TENM4: variants seen among roughly 807,000 people sequenced by gnomAD.
TENM4 encodes teneurin transmembrane protein 4.
A neutral mutation model predicts 243.3 loss-of-function variants in TENM4; 82 were observed. The observed-to-expected ratio is 0.34, with a 90% CI of 0.28 to 0.40. The LOEUF is 0.40. Among genes scored for constraint, TENM4 ranks in the 10% least tolerant of loss-of-function variants. TENM4 has a pLI of 1.00. For synonymous variants in TENM4, 1,412 were observed against 1,456.3 expected (o/e 0.97, Z 0.69); for missense variants, 3,138 against 3,673.3 (o/e 0.85, Z 3.77).
At chr11:78,659,894 G>A (rs921880323) in intron 33 of TENM4, among the ~76,000 whole-genome samples, 13 of 152,312 alleles carry the variant, frequency 8.5e-5, no homozygotes, top group Admixed American at 5.9e-4. Context: ...CAGGCCTATC[G>A]GCTTCTCACT....
intron 6 of TENM4, among the ~76,000 whole-genome samples, chr11:79,009,518 T>A (rs2136745143): frequency 6.6e-6 from 1 of 152,282 alleles, no homozygotes; most frequent in South Asian, 2.1e-4. Flanking sequence ...TAAATGCCAT[T>A]TGTGAGGGGT....
chr11:78,785,984 AC>A (rs1341525385), intron 16 of TENM4, among the ~76,000 whole-genome samples: 23 of 149,166 alleles, frequency 1.5e-4, no homozygotes, highest in Admixed American at 6.7e-4. Flanking sequence ...TAAAAAAAAA[AC>A]CAAAAAACAA....
intron 6 of TENM4, among the ~76,000 whole-genome samples, chr11:79,001,835 C>G (rs1417327095): frequency 1.3e-5 from 2 of 152,186 alleles, no homozygotes; most frequent in Non-Finnish European, 1.5e-5. Context: ...CTCACCATAG[C>G]TCCTTTGTCA....
chr11:79,055,945 A>C (rs1161106758), intron 6 of TENM4, among the ~76,000 whole-genome samples: 1 of 152,186 alleles, frequency 6.6e-6, no homozygotes, highest in African/African-American at 2.4e-5. Flanking sequence ...ACACAGCCTA[A>C]AATTGAAACC....
At chr11:78,909,904 T>C (rs1856147115) in intron 6 of TENM4, among the ~76,000 whole-genome samples, 1 of 151,526 alleles carries the variant, frequency 6.6e-6, no homozygotes, top group Non-Finnish European at 1.5e-5. Context: ...ATCCAGAGGG[T>C]GGGGGGTCAC....
At chr11:78,898,539 T>G (rs555951266) in intron 7 of TENM4, among the ~76,000 whole-genome samples, 2 of 152,304 alleles carry the variant, frequency 1.3e-5, no homozygotes, top group South Asian at 4.1e-4. Context: ...AGGCCTCTGC[T>G]CAGACTGTGC....
chr11:78,721,547 G>A (rs1590966759), intron 24 of TENM4, among the ~76,000 whole-genome samples: 2 of 152,176 alleles, frequency 1.3e-5, no homozygotes, highest in African/African-American at 2.4e-5. Flanking sequence ...CTCTGGATTC[G>A]GGTCCACCAT....
intron 2 of TENM4, among the ~76,000 whole-genome samples, chr11:79,289,975 A>C (rs200418983): frequency 7.2e-6 from 1 of 138,506 alleles, no homozygotes; most frequent in African/African-American, 2.8e-5. Context: ...CTTTTTTTTT[A>C]AGTAGAGATG....
At chr11:79,103,642 A>G (rs1364889460) in intron 4 of TENM4, among the ~76,000 whole-genome samples, 3 of 152,208 alleles carry the variant, frequency 2.0e-5, no homozygotes, top group African/African-American at 7.2e-5. Context: ...ACAAAGCACT[A>G]CCTTAATGTA....
chr11:78,762,937 A>G (rs1856460891), intron 18 of TENM4, among the ~76,000 whole-genome samples: 1 of 152,190 alleles, frequency 6.6e-6, no homozygotes, highest in East Asian at 1.9e-4. Context: ...TAGACTAGAA[A>G]CATATTAATA....
At chr11:78,908,487 T>A (rs918447151) in intron 6 of TENM4, among the ~76,000 whole-genome samples, 6 of 152,202 alleles carry the variant, frequency 3.9e-5, no homozygotes, top group South Asian at 2.1e-4. Flanking sequence ...CTTCAGCGTT[T>A]ACAACAGGGG....
chr11:79,379,026 G>GT (rs1857948478), intron 1 of TENM4, among the ~76,000 whole-genome samples: 1 of 152,280 alleles, frequency 6.6e-6, no homozygotes, highest in South Asian at 2.1e-4. Flanking sequence ...CCTCATAGAG[G>GT]TTACAGTGCT....
intron 1 of TENM4, among the ~76,000 whole-genome samples, chr11:79,359,860 G>A (rs1321399628): frequency 6.6e-6 from 1 of 152,114 alleles, no homozygotes; most frequent in African/African-American, 2.4e-5. Context: ...GGCCAGACAG[G>A]GATGCTCAGG....
At chr11:78,736,488 G>GCGCGCGCGCA (rs1565356367) in intron 20 of TENM4, among the ~76,000 whole-genome samples, 1 of 149,534 alleles carries the variant, frequency 6.7e-6, no homozygotes, top group African/African-American at 2.5e-5. Context: ...GTGCGCGCGC[G>GCGCGCGCGCA]TGCATGTGAG....
intron 7 of TENM4, among the ~76,000 whole-genome samples, chr11:78,897,049 AC>A: frequency 6.6e-6 from 1 of 152,276 alleles, no homozygotes; most frequent in Middle Eastern, 3.4e-3. Context: ...CTGTGCCTCA[AC>A]AATTATGATG....
chr11:79,163,851 T>A (rs1862819088), intron 3 of TENM4, among the ~76,000 whole-genome samples: 1 of 145,622 alleles, frequency 6.9e-6, no homozygotes, highest in African/African-American at 2.5e-5. Context: ...TATATATACA[T>A]ATATACACAC....
intron 6 of TENM4, among the ~76,000 whole-genome samples, chr11:79,012,351 T>A (rs1161790640): frequency 3.9e-5 from 6 of 152,164 alleles, no homozygotes; most frequent in Non-Finnish European, 2.9e-5. Flanking sequence ...TGCCAGACCA[T>A]CCTATCTGCT....
At chr11:79,155,711 TCCTC>T (rs997783466) in intron 3 of TENM4, among the ~76,000 whole-genome samples, 5 of 127,302 alleles carry the variant, frequency 3.9e-5, no homozygotes, top group Admixed American at 1.6e-4. Flanking sequence ...TTTCCTCCTT[TCCTC>T]CCTCCCTCCC....
At chr11:79,097,397 C>T (rs1428308113) in intron 4 of TENM4, 1 of 152,182 alleles carries the variant, frequency 6.6e-6, no homozygotes, top group Non-Finnish European at 1.5e-5. Flanking sequence ...TTGCACTTTC[C>T]AACATGGATC....
Sources: allele counts gnomAD v4.1 joint callset (sites outside exome capture counted in the v4.1 genomes callset), GRCh38; gene constraint gnomAD v4.1.1; transcripts MANE v1.5; gene names NCBI Gene and HGNC (gene_info 2026-07-23, HGNC 2026-07-21).